The following FAM107B variants were observed in gnomAD, a reference collection of about 807,000 sequenced individuals.
FAM107B encodes the protein family with sequence similarity 107 member B, also known as protein FAM107B.
A neutral mutation model predicts 31.5 loss-of-function variants in FAM107B; 21 were observed. That is an observed-to-expected ratio of 0.67 (90% confidence interval 0.47 to 0.96). The LOEUF is 0.96. Ranked by LOEUF, FAM107B falls within the 40% of genes least tolerant of loss-of-function variation. The probability of loss-of-function intolerance (pLI) is 0.00; values close to 1 mark genes in which losing one functional copy is unlikely to be tolerated. For synonymous variants in FAM107B, 157 were observed against 141.5 expected (o/e 1.11, Z -0.78); for missense variants, 452 against 377.1 (o/e 1.20, Z -1.64).
At chr10:14,661,768 A>C (rs1854247553) in intron 2 of FAM107B, 1 of 152,280 alleles carries the variant, frequency 6.6e-6, no homozygotes, top group Non-Finnish European at 1.5e-5. Flanking sequence ...GCAGCTGCTG[A>C]GAAATGAGGC....
chr10:14,637,793 C>G (rs1164609789), intron 2 of FAM107B, among the ~76,000 whole-genome samples: 1 of 152,114 alleles, frequency 6.6e-6, no homozygotes, highest in African/African-American at 2.4e-5. Flanking sequence ...CCATGTGGCA[C>G]TAAGGGTGGC....
chr10:14,682,461 G>A (rs1854860667), intron 1 of FAM107B, among the ~76,000 whole-genome samples: 1 of 152,318 alleles, frequency 6.6e-6, no homozygotes, highest in Middle Eastern at 3.4e-3. Context: ...CCCAGGAGGT[G>A]CAGGTTGCAG....
intron 1 of FAM107B, among the ~76,000 whole-genome samples, chr10:14,704,266 G>GCT (rs1250391706): frequency 3.8e-4 from 26 of 67,600 alleles, no homozygotes; most frequent in African/African-American, 1.3e-3. Flanking sequence ...TAGGTAAATT[G>GCT]CTCTGTGTGT....
chr10:14,646,674 GGTGGGTACCCAGCA>G (rs1182735414), intron 2 of FAM107B, among the ~76,000 whole-genome samples: 1 of 151,976 alleles, frequency 6.6e-6, no homozygotes, highest in Non-Finnish European at 1.5e-5. Context: ...TTTTCCTTTG[GGTGGGTACCCAGCA>G]GTGGGACTGC....
rs979558927 is a variant in FAM107B, at chr10:14,520,553, A to G, written c.*637T>C. ...ATTATTACACAGAGAACCAAAAGGA[A>G]TGAAAATAAAATCAAGATGGGCTTT... On this transcript the variant is annotated 3_prime_UTR_variant, in exon 5 of 5. Coordinates refer to ENST00000181796, the MANE Select transcript of FAM107B (RefSeq NM_031453.4). 2 of 152,258 alleles carry G rather than the reference A, an allele frequency of 1.3e-5. No individual in the cohort carries two copies. 9.4% of individuals were successfully genotyped at this position (152,258 alleles called of 1,614,324 possible).
chr10:14,545,003 C>A (rs1255875542), intron 2 of FAM107B, among the ~76,000 whole-genome samples: 1 of 152,162 alleles, frequency 6.6e-6, no homozygotes, highest in Non-Finnish European at 1.5e-5. Context: ...TAGTTAAATG[C>A]AAATATCGGA....
At chr10:14,615,637 T>A (rs1477024579) in intron 2 of FAM107B, among the ~76,000 whole-genome samples, 1 of 152,256 alleles carries the variant, frequency 6.6e-6, no homozygotes, top group African/African-American at 2.4e-5. Context: ...TCCTTAACTT[T>A]TATAACCTAG....
chr10:14,642,852 C>G (rs1268698175), intron 2 of FAM107B, among the ~76,000 whole-genome samples: 2 of 152,176 alleles, frequency 1.3e-5, no homozygotes, highest in Non-Finnish European at 2.9e-5. Context: ...CACAGAAGTT[C>G]TTTGTTAGTT....
intron 2 of FAM107B, chr10:14,553,420 A>T: frequency 8.4e-7 from 1 of 1,191,970 alleles, no homozygotes; most frequent in Non-Finnish European, 1.1e-6. Context: ...AAGTCAGTTA[A>T]CAAGTTTCTT....
At chr10:14,553,397 A>C in intron 2 of FAM107B, 1 of 1,267,302 alleles carries the variant, frequency 7.9e-7, no homozygotes, top group Non-Finnish European at 1.0e-6. Flanking sequence ...CCTTTAAAAA[A>C]AAAACATAGT....
chr10:14,711,940 G>A (rs1173011082), intron 1 of FAM107B, among the ~76,000 whole-genome samples: 8 of 152,196 alleles, frequency 5.3e-5, no homozygotes, highest in East Asian at 1.9e-4. Context: ...CACCGCGCCC[G>A]GCCTCAAGAT....
intron 2 of FAM107B, among the ~76,000 whole-genome samples, chr10:14,612,896 A>G (rs1412531874): frequency 6.6e-6 from 1 of 152,244 alleles, no homozygotes; most frequent in African/African-American, 2.4e-5. Flanking sequence ...GGAAATGCAG[A>G]TGAAATAAAA....
chr10:14,692,416 T>C (rs755991249), intron 1 of FAM107B, among the ~76,000 whole-genome samples: 2 of 152,130 alleles, frequency 1.3e-5, no homozygotes, highest in Non-Finnish European at 2.9e-5. Context: ...GGTGACTTCA[T>C]CGTACACTTC....
At chr10:14,690,736 G>A (rs1447984810) in intron 1 of FAM107B, among the ~76,000 whole-genome samples, 1 of 152,032 alleles carries the variant, frequency 6.6e-6, no homozygotes, top group Non-Finnish European at 1.5e-5. Context: ...ACAGGCGTGA[G>A]CCACCACGCC....
At chr10:14,570,273 GT>G (rs1274637672) in intron 2 of FAM107B, among the ~76,000 whole-genome samples, 1 of 130,802 alleles carries the variant, frequency 7.6e-6, no homozygotes, top group Admixed American at 7.3e-5. Context: ...TGTGTGTGAT[GT>G]TTATCTAGGT....
At chr10:14,568,013 G>C (rs547783101) in intron 2 of FAM107B, among the ~76,000 whole-genome samples, 1 of 152,182 alleles carries the variant, frequency 6.6e-6, no homozygotes, top group Non-Finnish European at 1.5e-5. Context: ...TGGAGTCCCC[G>C]GTGAGCTTTG....
intron 1 of FAM107B, among the ~76,000 whole-genome samples, chr10:14,738,506 T>C (rs1856361637): frequency 6.6e-6 from 1 of 152,222 alleles, no homozygotes; most frequent in South Asian, 2.1e-4. Context: ...TAAAATGAGA[T>C]GGTCTCTCAG....
intron 2 of FAM107B, among the ~76,000 whole-genome samples, chr10:14,576,191 A>C (rs1851458992): frequency 6.6e-6 from 1 of 152,186 alleles, no homozygotes; most frequent in Non-Finnish European, 1.5e-5. Context: ...GTGTGGTTAA[A>C]ATGGTTTACC....
intron 1 of FAM107B, among the ~76,000 whole-genome samples, chr10:14,740,303 A>G (rs7893178): frequency 0.034 from 5,238 of 152,318 alleles, 314 homozygotes; most frequent in African/African-American, 0.12. Context: ...TCAAGGCACA[A>G]AAAGACATGG....
Sources: allele counts gnomAD v4.1 joint callset (sites outside exome capture counted in the v4.1 genomes callset), GRCh38; gene constraint gnomAD v4.1.1; transcripts MANE v1.5; gene names NCBI Gene and HGNC (gene_info 2026-07-23, HGNC 2026-07-21).